The following BTG4 variants were observed in gnomAD, a reference collection of about 807,000 sequenced individuals.
The protein encoded by BTG4 is protein BTG4.
BTG4 carries 10 observed loss-of-function variants against 19.3 expected under a neutral mutation model. That is an observed-to-expected ratio of 0.52 (90% CI 0.32 to 0.88). The LOEUF is 0.88. Among genes scored for constraint, BTG4 ranks in the 40% least tolerant of loss-of-function variants. The pLI, the probability that BTG4 is intolerant of heterozygous loss-of-function variation, is 0.04. For missense variants in BTG4, 238 were observed against 281.9 expected, an observed-to-expected ratio of 0.84 and a Z score of 1.11; for synonymous variants, 91 against 95.7, an observed-to-expected ratio of 0.95 and a Z score of 0.29.
chr11:111,477,776 CT>C (rs1018461796), intron 5 of BTG4, among the ~76,000 whole-genome samples: 2 of 152,112 alleles, frequency 1.3e-5, no homozygotes, highest in Non-Finnish European at 1.5e-5. Flanking sequence ...AAAGCCTGCT[CT>C]TTAGCGAAAG....
At chr11:111,443,876 G>T in the BTG4 span, among the ~76,000 whole-genome samples, 4 of 152,220 alleles carry the variant, frequency 2.6e-5, no homozygotes, top group Non-Finnish European at 5.9e-5. Context: ...CCTCCAGCTC[G>T]AGGACGCTTA....
the BTG4 span, among the ~76,000 whole-genome samples, chr11:111,442,771 A>T: frequency 2.0e-5 from 3 of 152,138 alleles, no homozygotes; most frequent in Admixed American, 6.5e-5. Context: ...GTCCATATTG[A>T]TATAAATAAA....
intron 5 of BTG4, among the ~76,000 whole-genome samples, chr11:111,487,192 G>A (rs1865120188): frequency 6.6e-6 from 1 of 152,178 alleles, no homozygotes; most frequent in African/African-American, 2.4e-5. Context: ...TGGTGCATAT[G>A]TACCACATTT....
At chr11:111,408,321 C>A in the BTG4 span, among the ~76,000 whole-genome samples, 11 of 152,178 alleles carry the variant, frequency 7.2e-5, no homozygotes, top group Non-Finnish European at 1.3e-4. Context: ...TGCTTAGAGC[C>A]CCCTGGGCCT....
the BTG4 span, among the ~76,000 whole-genome samples, chr11:111,390,387 G>A: frequency 0.61 from 93,080 of 152,096 alleles, 30,607 homozygotes; most frequent in Non-Finnish European, 0.73. Context: ...GAGAGGTAGA[G>A]GAGAGGCAGC....
the BTG4 span, among the ~76,000 whole-genome samples, chr11:111,421,266 T>G: frequency 1.3e-5 from 2 of 152,324 alleles, no homozygotes; most frequent in East Asian, 3.9e-4. Context: ...GAGGATGAGA[T>G]GGCATAATTA....
At chr11:111,429,388 G>A in the BTG4 span, among the ~76,000 whole-genome samples, 5 of 152,170 alleles carry the variant, frequency 3.3e-5, no homozygotes, top group African/African-American at 4.8e-5. Context: ...AATGGAACAA[G>A]GGAGGTTAAG....
At chr11:111,495,800 G>T (rs1172572886) in intron 4 of BTG4, among the ~76,000 whole-genome samples, 3 of 152,088 alleles carry the variant, frequency 2.0e-5, no homozygotes, top group African/African-American at 7.2e-5. Context: ...TAGAATTAAG[G>T]GCAAATACTG....
chr11:111,493,885 C>G (rs540952337), downstream of BTG4, among the ~76,000 whole-genome samples: 7 of 152,186 alleles, frequency 4.6e-5, no homozygotes, highest in Non-Finnish European at 1.0e-4. Flanking sequence ...CAAGCTCCCT[C>G]CCCCTTCATC....
chr11:111,397,600 C>T, the BTG4 span: 3 of 152,198 alleles, frequency 2.0e-5, no homozygotes, highest in African/African-American at 7.2e-5. Context: ...CTTATCTGAG[C>T]CCCAGGTGTC....
At chr11:111,456,615 C>A in the BTG4 span, 2 of 451,372 alleles carry the variant, frequency 4.4e-6, no homozygotes, top group Non-Finnish European at 9.0e-6. This position sits in a 1 kb window ranked among gnomAD's most constrained non-coding sequence, Gnocchi z 4.2. Flanking sequence ...CCAGCGGCCA[C>A]GCAGGCTCCA....
intron 5 of BTG4, among the ~76,000 whole-genome samples, chr11:111,488,267 C>T (rs1029915824): frequency 1.1e-4 from 16 of 152,142 alleles, no homozygotes; most frequent in African/African-American, 2.2e-4. Context: ...CATTGACCAA[C>T]GGAACAGAAT....
At chr11:111,399,506 T>C in the BTG4 span, among the ~76,000 whole-genome samples, 2 of 152,190 alleles carry the variant, frequency 1.3e-5, no homozygotes, top group Non-Finnish European at 2.9e-5. Context: ...GCCAGATATT[T>C]ACCCCTTCAC....
chr11:111,509,918 T>C (rs1196151450), intron 1 of BTG4, among the ~76,000 whole-genome samples: 3 of 144,462 alleles, frequency 2.1e-5, no homozygotes, highest in East Asian at 2.0e-4. Flanking sequence ...TTTCTTTTTT[T>C]TTTTTTTTTT....
the BTG4 span, among the ~76,000 whole-genome samples, chr11:111,431,581 C>T: frequency 6.6e-6 from 1 of 152,320 alleles, no homozygotes; most frequent in South Asian, 2.1e-4. Context: ...CAAATATTCA[C>T]TGTTTAATCA....
At chr11:111,478,553 T>A (rs1231947807) in intron 5 of BTG4, among the ~76,000 whole-genome samples, 4 of 150,824 alleles carry the variant, frequency 2.7e-5, no homozygotes, top group African/African-American at 9.9e-5. Flanking sequence ...ATGTTAGAAT[T>A]ATGACAAAGA....
chr11:111,406,925 A>G, the BTG4 span, among the ~76,000 whole-genome samples: 33 of 152,250 alleles, frequency 2.2e-4, no homozygotes, highest in African/African-American at 7.9e-4. Flanking sequence ...ACCTCATTTC[A>G]CATCCTACTC....
the BTG4 span, among the ~76,000 whole-genome samples, chr11:111,413,741 A>T: frequency 3.3e-5 from 5 of 152,208 alleles, no homozygotes; most frequent in Non-Finnish European, 7.3e-5. Flanking sequence ...CCTATATCAG[A>T]GTGTGTTACA....
chr11:111,401,560 T>C, the BTG4 span, among the ~76,000 whole-genome samples: 1 of 152,182 alleles, frequency 6.6e-6, no homozygotes, highest in Non-Finnish European at 1.5e-5. Context: ...GCATCCCTTC[T>C]GCAAAGCTAA....
Sources: gnomAD v4.1 joint callset for allele counts (sites outside exome capture counted in the v4.1 genomes callset) on GRCh38, gnomAD v4.1.1 for gene constraint, Gnocchi (gnomAD v3.1) non-coding constraint, MANE v1.5 for transcripts, NCBI Gene and HGNC (gene_info 2026-07-23, HGNC 2026-07-21) for gene names.